The following TTC3 variants were observed in gnomAD, a reference collection of about 807,000 sequenced individuals.
The protein encoded by TTC3 is E3 ubiquitin-protein ligase TTC3.
TTC3 carries 180 observed loss-of-function variants against 249.6 expected under a neutral mutation model. The ratio of observed to expected loss-of-function variants is 0.72; its 90% CI spans 0.64 to 0.82. The LOEUF is 0.82. Ranked by LOEUF, TTC3 falls within the 40% of genes least tolerant of loss-of-function variation. TTC3 has a pLI of 0.00. For missense variants in TTC3, 2,061 were observed against 2,398.4 expected (o/e 0.86, Z 2.94); for synonymous variants, 717 against 805.0 (o/e 0.89, Z 1.85).
rs1425338771 is a variant in TTC3, at chr21:37,096,545, A to G, written c.783-36A>G. The G allele has an allele frequency of 2.7e-6, 4 of 1,487,192 alleles. No homozygotes were observed. In the African/African-American group the frequency reaches 5.6e-5, roughly 21 times the overall value. The allele number at this position is 1,487,192 out of a possible 1,614,324, so 92.1% of individuals were successfully genotyped here. On this transcript the variant is annotated intron_variant, in intron 9 of 45. Transcript: ENST00000355666. ...GTGATTTTTATTTGTTTCATGTGTA[A>G]TGTGCTTTACTGACTAAACATTGTA...
chr21:37,097,865 A>G lies in TTC3; in HGVS notation c.845+1222A>G, dbSNP rs758600508. 4.5e-6 allele frequency: 3 copies of G among 671,202 alleles called. No individual in the cohort carries two copies. The South Asian group carries it at 5.1e-5, about 11-fold the overall frequency. The allele number at this position is 671,202 out of a possible 1,614,324, so 41.6% of individuals were successfully genotyped here. On this transcript the variant is annotated intron_variant, in intron 10 of 45. Coordinates refer to ENST00000355666, the Ensembl canonical transcript of TTC3. ...GTGGGGAAGGTAGTAAACTCTAAGC[A>G]TGTAGCTTTAAAAATAACATTTATT...
chr21:37,076,580 T>C (rs1015549), intron 1 of TTC3, among the ~76,000 whole-genome samples: 69,225 of 151,868 alleles, frequency 0.46, 16,313 homozygotes, highest in Non-Finnish European at 0.52. Context: ...GCTACTTTCT[T>C]ACCTTGTGTT....
intron 11 of TTC3, among the ~76,000 whole-genome samples, chr21:37,119,960 T>G (rs1315483975): frequency 2.6e-5 from 4 of 152,170 alleles, no homozygotes; most frequent in African/African-American, 9.7e-5. Context: ...CAGTAGACCT[T>G]AGGGATGCCT....
chr21:37,180,799 G>A (rs1479023933), intron 35 of TTC3, among the ~76,000 whole-genome samples: 3 of 148,918 alleles, frequency 2.0e-5, no homozygotes, highest in Non-Finnish European at 4.5e-5. Flanking sequence ...AAAAAAGAAT[G>A]TTTTAATTTC....
At chr21:37,167,997 C>T (rs951859257) in intron 34 of TTC3, among the ~76,000 whole-genome samples, 3 of 151,664 alleles carry the variant, frequency 2.0e-5, no homozygotes, top group Non-Finnish European at 4.4e-5. Flanking sequence ...CTTATTCATG[C>T]GAATAATACA....
At chr21:37,192,021 A>G (rs1318178633) in intron 40 of TTC3, 91 bp from the exon 41 acceptor site, 2 of 797,062 alleles carry the variant, frequency 2.5e-6, no homozygotes, top group Non-Finnish European at 4.0e-6. Flanking sequence ...TTTCCTTACC[A>G]AGACAGTTAT....
chr21:37,080,324 C>G (rs575686451), intron 1 of TTC3, among the ~76,000 whole-genome samples: 1 of 149,824 alleles, frequency 6.7e-6, no homozygotes, highest in South Asian at 2.1e-4. Context: ...CTTTAATTAT[C>G]GATTTCTTAC....
At chr21:37,160,489 T>TAA (rs2080602257) in intron 29 of TTC3, among the ~76,000 whole-genome samples, 1 of 152,190 alleles carries the variant, frequency 6.6e-6, no homozygotes, top group African/African-American at 2.4e-5. Context: ...AATAATAAAT[T>TAA]TACTATTATG....
intron 19 of TTC3, 67 bp from the exon 20 acceptor site, chr21:37,140,494 T>G: frequency 8.9e-7 from 1 of 1,129,596 alleles, no homozygotes; most frequent in Non-Finnish European, 1.2e-6. Context: ...AAATCAACCT[T>G]TAGATAAAAT....
At chr21:37,197,754 TA>T (rs34505047) in intron 43 of TTC3, 58 bp downstream of exon 43, 92,114 of 1,282,306 alleles carry the variant, frequency 0.072, 10 homozygotes, top group Non-Finnish European at 0.077. Flanking sequence ...TGAGAATTGT[TA>T]AAAAAAAAAA....
At chr21:37,147,516 C>T (rs757397244) in exon 22 of TTC3, 3 of 1,608,998 alleles carry the variant, frequency 1.9e-6, no homozygotes, top group Non-Finnish European at 8.5e-7. Context: ...AATGCAAGTT[C>T]CCTCCAGTGC....
intron 23 of TTC3, 37 bp downstream of exon 23, chr21:37,148,684 ACTTATT>A (rs2079191523): frequency 7.1e-7 from 1 of 1,402,780 alleles, no homozygotes; most frequent in Non-Finnish European, 9.7e-7. Flanking sequence ...TTTTCAGTAT[ACTTATT>A]GTATGTCAAT....
chr21:37,103,911 A>G (rs1412440183), intron 10 of TTC3, among the ~76,000 whole-genome samples: 2 of 152,192 alleles, frequency 1.3e-5, no homozygotes, highest in East Asian at 3.9e-4. Context: ...ATAAGAAAGT[A>G]AAGGATTTTA....
intron 12 of TTC3, 44 bp from the exon 13 acceptor site, chr21:37,122,939 A>G (rs1304450298): frequency 3.1e-6 from 5 of 1,596,784 alleles, no homozygotes; most frequent in Non-Finnish European, 4.3e-6. Flanking sequence ...TGTGTTGCCA[A>G]TCCATTGATT....
intron 19 of TTC3, among the ~76,000 whole-genome samples, chr21:37,140,151 C>T (rs908570652): frequency 1.3e-5 from 2 of 152,126 alleles, no homozygotes; most frequent in African/African-American, 2.4e-5. Context: ...ACTGTGACAA[C>T]GTCATTGGAA....
At chr21:37,092,452 A>G (rs983139414) in intron 7 of TTC3, among the ~76,000 whole-genome samples, 3 of 152,176 alleles carry the variant, frequency 2.0e-5, no homozygotes, top group African/African-American at 7.2e-5. Context: ...TGTACTAGGT[A>G]CACCTCTTTA....
intron 10 of TTC3, among the ~76,000 whole-genome samples, chr21:37,101,696 C>T (rs1322330840): frequency 6.6e-6 from 1 of 151,656 alleles, no homozygotes; most frequent in Non-Finnish European, 1.5e-5. Context: ...AGAATATAGG[C>T]AGTTTTATTT....
chr21:37,098,490 G>A (rs1381056038), intron 10 of TTC3: 1 of 152,370 alleles, frequency 6.6e-6, no homozygotes, highest in African/African-American at 2.4e-5. Context: ...GCCAAGAGCA[G>A]CTTGTGGATC....
intron 30 of TTC3, 42 bp downstream of exon 30, chr21:37,160,900 A>G: frequency 1.3e-6 from 2 of 1,579,248 alleles, no homozygotes; most frequent in Non-Finnish European, 1.7e-6. Context: ...TAAACTCTCC[A>G]AAATAGTTAG....
Sources: gnomAD v4.1 joint callset for allele counts (sites outside exome capture counted in the v4.1 genomes callset) on GRCh38, gnomAD v4.1.1 for gene constraint, MANE v1.5 for transcripts, NCBI Gene and HGNC (gene_info 2026-07-23, HGNC 2026-07-21) for gene names.